Variants in SGCZ observed in about 807,000 individuals in gnomAD.
SGCZ encodes the protein zeta-sarcoglycan.
A neutral mutation model predicts 41.3 loss-of-function variants in SGCZ; 40 were observed. That is an observed-to-expected ratio of 0.97 (90% CI 0.75 to 1.26). The LOEUF (loss-of-function observed/expected upper bound fraction) is 1.26. Ranked by LOEUF, SGCZ falls within the 50% of genes most tolerant of loss-of-function variation. The probability of loss-of-function intolerance (pLI) is 0.00; values close to 1 mark genes in which losing one functional copy is unlikely to be tolerated. For synonymous variants in SGCZ, 206 were observed against 137.5 expected, an observed-to-expected ratio of 1.50 and a Z score of -3.49; for missense variants, 552 against 369.8, an observed-to-expected ratio of 1.49 and a Z score of -4.04.
At chr8:14,278,200 C>A (rs1200256760) in intron 3 of SGCZ, among the ~76,000 whole-genome samples, 1 of 152,160 alleles carries the variant, frequency 6.6e-6, no homozygotes, top group Admixed American at 6.6e-5. Context: ...TACAGTCCCA[C>A]ATATCGCCCC....
intron 2 of SGCZ, among the ~76,000 whole-genome samples, chr8:14,514,132 T>C (rs1218174505): frequency 6.6e-6 from 1 of 152,088 alleles, no homozygotes; most frequent in Non-Finnish European, 1.5e-5. Flanking sequence ...AAAACCCAGA[T>C]ATACAGCAGT....
chr8:14,646,735 AC>A (rs1563176775), intron 1 of SGCZ, among the ~76,000 whole-genome samples: 1 of 151,938 alleles, frequency 6.6e-6, no homozygotes, highest in African/African-American at 2.4e-5. Context: ...TAAAAAAATG[AC>A]ATTACTTATT....
chr8:14,378,882 A>G (rs1386849003), intron 2 of SGCZ, among the ~76,000 whole-genome samples: 1 of 152,222 alleles, frequency 6.6e-6, no homozygotes, highest in Non-Finnish European at 1.5e-5. Context: ...ACATATTAAC[A>G]GACCTAAAAA....
chr8:14,460,601 C>A (rs1374565477), intron 2 of SGCZ, among the ~76,000 whole-genome samples: 2 of 152,046 alleles, frequency 1.3e-5, no homozygotes, highest in African/African-American at 4.8e-5. Context: ...AGAAATGTAT[C>A]TAAAGACCAA....
intron 2 of SGCZ, among the ~76,000 whole-genome samples, chr8:14,510,506 G>C (rs1420508729): frequency 6.6e-6 from 1 of 151,750 alleles, no homozygotes; most frequent in Non-Finnish European, 1.5e-5. Flanking sequence ...TGATAACCTT[G>C]ATGATCTACT....
chr8:14,385,546 G>A (rs1804545704), intron 2 of SGCZ, among the ~76,000 whole-genome samples: 1 of 152,158 alleles, frequency 6.6e-6, no homozygotes, highest in African/African-American at 2.4e-5. Context: ...AATGAAGTTA[G>A]AAAACACAAC....
At chr8:14,915,415 G>T (rs375954674) in intron 1 of SGCZ, among the ~76,000 whole-genome samples, 1 of 152,118 alleles carries the variant, frequency 6.6e-6, no homozygotes, top group Admixed American at 6.6e-5. Flanking sequence ...GCCCCAAATC[G>T]TTTCCTAACA....
At chr8:14,860,668 GAGGGA>G in intron 1 of SGCZ, among the ~76,000 whole-genome samples, 1 of 146,146 alleles carries the variant, frequency 6.8e-6, no homozygotes, top group Non-Finnish European at 1.5e-5. Context: ...AAGAAAGAAA[GAGGGA>G]AAGAGAGAAA....
chr8:14,177,448 A>C (rs1804576452), intron 4 of SGCZ, among the ~76,000 whole-genome samples: 1 of 152,148 alleles, frequency 6.6e-6, no homozygotes, highest in Non-Finnish European at 1.5e-5. Context: ...CAAACGGTTA[A>C]CCTACAAGTA....
chr8:14,668,086 G>C (rs1585167666), intron 1 of SGCZ, among the ~76,000 whole-genome samples: 1 of 151,858 alleles, frequency 6.6e-6, no homozygotes, highest in South Asian at 2.1e-4. Context: ...CCTCCCGAGT[G>C]GCTGGGATTA....
At chr8:14,105,648 G>A (rs761407533) in intron 6 of SGCZ, among the ~76,000 whole-genome samples, 6 of 151,730 alleles carry the variant, frequency 4.0e-5, no homozygotes, top group African/African-American at 7.3e-5. Flanking sequence ...ACTTATCTTG[G>A]GGGTTGCCAG....
intron 1 of SGCZ, among the ~76,000 whole-genome samples, chr8:14,679,230 C>T (rs1808366648): frequency 6.6e-6 from 1 of 152,116 alleles, no homozygotes; most frequent in East Asian, 1.9e-4. Context: ...ATTTACTATA[C>T]CATAAATTGT....
chr8:14,858,286 C>A (rs1019843004), intron 1 of SGCZ, among the ~76,000 whole-genome samples: 4 of 151,912 alleles, frequency 2.6e-5, no homozygotes, highest in Non-Finnish European at 2.9e-5. Flanking sequence ...ATGAACTCAT[C>A]ACATTAACAG....
rs200119331 is a variant in SGCZ, at chr8:14,785,504, A to G, written c.40-230578T>C. Among the ~76,000 whole-genome samples, 3 of 152,256 alleles carry G rather than the reference A, an allele frequency of 2.0e-5. No homozygotes were observed. The East Asian group carries it at 5.8e-4, about 29-fold the overall frequency. On this transcript the variant is annotated intron_variant, in intron 1 of 7. Coordinates refer to ENST00000382080, the MANE Select transcript of SGCZ (RefSeq NM_139167.4). ...CTCAGTGACTATCGAAAAATACCCA[A>G]TAGTCAATATAGTTGCTCTTGAAAC...
chr8:15,101,626 G>A (rs1304734847), intron 1 of SGCZ, among the ~76,000 whole-genome samples: 9 of 152,102 alleles, frequency 5.9e-5, no homozygotes, highest in Admixed American at 5.9e-4. Flanking sequence ...CACTGCTAGA[G>A]GGAATGAAAA....
intron 4 of SGCZ, among the ~76,000 whole-genome samples, chr8:14,180,332 T>C (rs1308042414): frequency 6.6e-6 from 1 of 152,108 alleles, no homozygotes; most frequent in African/African-American, 2.4e-5. Context: ...CTTCAAGCAC[T>C]GCAGGAAGTG....
intron 1 of SGCZ, among the ~76,000 whole-genome samples, chr8:14,689,854 CAG>C (rs1808740997): frequency 6.6e-6 from 1 of 152,122 alleles, no homozygotes; most frequent in African/African-American, 2.4e-5. Flanking sequence ...AAAGTGAGGA[CAG>C]AGAACACCAA....
intron 2 of SGCZ, among the ~76,000 whole-genome samples, chr8:14,427,563 G>T (rs947819613): frequency 6.6e-6 from 1 of 152,022 alleles, no homozygotes; most frequent in Non-Finnish European, 1.5e-5. Flanking sequence ...TAGAATCTTT[G>T]TGTGGTAACT....
chr8:14,932,883 G>A (rs1265725288), intron 1 of SGCZ, among the ~76,000 whole-genome samples: 2 of 151,946 alleles, frequency 1.3e-5, no homozygotes, highest in Admixed American at 1.3e-4. Context: ...TGCATCTAGT[G>A]GTAAGTAAGC....
Sources: gnomAD v4.1 joint callset for allele counts (sites outside exome capture counted in the v4.1 genomes callset) on GRCh38, gnomAD v4.1.1 for gene constraint, MANE v1.5 for transcripts, NCBI Gene and HGNC (gene_info 2026-07-23, HGNC 2026-07-21) for gene names.